Variants in NEK11 observed in about 807,000 individuals in gnomAD.
The protein encoded by NEK11 is serine/threonine-protein kinase Nek11.
Under a neutral mutation model 80.7 loss-of-function variants are expected in NEK11, and 72 were observed. That is an observed-to-expected ratio of 0.89 (90% CI 0.74 to 1.08). NEK11 has a LOEUF of 1.08. Among genes scored for constraint, NEK11 ranks in the 50% least tolerant of loss-of-function variants. The pLI is 0.00. For missense variants in NEK11, 764 were observed against 763.6 expected, an observed-to-expected ratio of 1.00 and a Z score of -0.01; for synonymous variants, 251 against 260.7, an observed-to-expected ratio of 0.96 and a Z score of 0.36.
In NEK11 at chr3:131,119,601, G is replaced by A. The variant is rs1165567181; in HGVS notation, c.455+9680G>A. Reference sequence around the variant, plus strand: ...AGTCTCCCATTATTATTGTGTGGGAGTCTAAGTCTCTTTGTAGGTCTCTAA... The same window carrying A: ...AGTCTCCCATTATTATTGTGTGGGAATCTAAGTCTCTTTGTAGGTCTCTAA... On this transcript the variant is annotated intron_variant, in intron 5 of 17. Coordinates refer to ENST00000383366, the MANE Select transcript of NEK11 (RefSeq NM_024800.5). Among the ~76,000 whole-genome samples, 5 of 152,142 alleles carry A rather than the reference G, an allele frequency of 3.3e-5. 1 individual carries two copies. The highest frequency in any genetic ancestry group is 1.2e-4 in the African/African-American group (5 of 41,408).
At chr3:131,240,313 G>A (rs1243253388) in intron 15 of NEK11, among the ~76,000 whole-genome samples, 1 of 152,272 alleles carries the variant, frequency 6.6e-6, no homozygotes, top group South Asian at 2.1e-4. Context: ...CCTAATAGGT[G>A]TGGCAAAACC....
At chr3:131,045,576 CT>C (rs1560151398) in intron 3 of NEK11, among the ~76,000 whole-genome samples, 1 of 152,100 alleles carries the variant, frequency 6.6e-6, no homozygotes, top group Non-Finnish European at 1.5e-5. Flanking sequence ...ATCATATGGT[CT>C]GTCTTGGAGA....
At chr3:131,274,108 C>A (rs183490522) in intron 17 of NEK11, among the ~76,000 whole-genome samples, 6,097 of 120,736 alleles carry the variant, frequency 0.05, 171 homozygotes, top group East Asian at 0.18. Flanking sequence ...TCCCTCCCCC[C>A]TCCCCCCACC....
In NEK11 at chr3:131,228,586, T is replaced by C. The variant is rs1181488060; in HGVS notation, c.1458T>C (p.Tyr486=). 7 of 1,613,386 alleles carry C rather than the reference T, an allele frequency of 4.3e-6. No homozygotes were observed. Among genetic ancestry groups the C allele is most frequent in the Middle Eastern group, 3.3e-4 (2 of 6,078 alleles). ...ACTACGCTGATGCATTTGATTCCTA[T>C]TGTGAAGAGAGTGATGAGGAGGAAG... ...EEYYADAFDS[Y]CEESDEEEEE... The change falls in exon 15 of 18, where the codon TAT becomes TAC. Residue 486 remains tyrosine (Y), a synonymous_variant. Coordinates refer to ENST00000383366, the MANE Select transcript of NEK11 (RefSeq NM_024800.5).
intron 3 of NEK11, among the ~76,000 whole-genome samples, chr3:131,054,778 AAATAAATAAATAAATGAATG>A (rs1321330759): frequency 6.5e-4 from 95 of 145,376 alleles, no homozygotes; most frequent in Admixed American, 1.2e-3. Flanking sequence ...ATAAATAAAT[AAATAAATAAATAAATGAATG>A]AATGTACCCG....
chr3:131,058,411 T>C (rs942089761), intron 3 of NEK11, among the ~76,000 whole-genome samples: 7 of 152,288 alleles, frequency 4.6e-5, no homozygotes, highest in Admixed American at 2.0e-4. Context: ...AGTAGTTTTT[T>C]CCAATTCTGT....
intron 17 of NEK11, among the ~76,000 whole-genome samples, chr3:131,324,885 T>TA (rs2096942293): frequency 1.3e-5 from 2 of 152,148 alleles, no homozygotes; most frequent in Admixed American, 6.6e-5. Flanking sequence ...TACAGGGATT[T>TA]AAAAAAATTC....
intron 7 of NEK11, among the ~76,000 whole-genome samples, chr3:131,147,233 G>A (rs1278951426): frequency 6.6e-6 from 1 of 151,972 alleles, no homozygotes; most frequent in Non-Finnish European, 1.5e-5. Flanking sequence ...ATCTGTGTGT[G>A]TATGTGACTA....
rs143847021 is a variant in NEK11, at chr3:131,106,983, A to G, written c.337-2820A>G. 4.3e-3 allele frequency among the ~76,000 whole-genome samples: 662 copies of G among 152,266 alleles called. 4 individuals carry two copies. Among genetic ancestry groups the G allele is most frequent in the Middle Eastern group, 0.01 (3 of 294 alleles). On this transcript the variant is annotated intron_variant, in intron 4 of 17. Coordinates refer to ENST00000383366, the MANE Select transcript of NEK11 (RefSeq NM_024800.5). ...AAAGCTTTTGACTGATATTTGTAGAAAAGACTTAAGATTTTTTCCATTGGC... is the reference window on the plus strand; with the variant it reads ...AAAGCTTTTGACTGATATTTGTAGAGAAGACTTAAGATTTTTTCCATTGGC...
chr3:131,130,681 T>G (rs570197761), intron 5 of NEK11, among the ~76,000 whole-genome samples: 3 of 149,924 alleles, frequency 2.0e-5, no homozygotes, highest in Non-Finnish European at 4.4e-5. Context: ...GTGATTTTTC[T>G]TCTTTATTCT....
intron 5 of NEK11, among the ~76,000 whole-genome samples, chr3:131,118,811 T>A (rs1229313864): frequency 6.6e-6 from 1 of 152,194 alleles, no homozygotes; most frequent in Non-Finnish European, 1.5e-5. Context: ...GTGGGATCGG[T>A]GGTGATATCC....
intron 5 of NEK11, among the ~76,000 whole-genome samples, chr3:131,113,650 C>A (rs912181574): frequency 4.6e-5 from 7 of 152,094 alleles, no homozygotes; most frequent in Non-Finnish European, 8.8e-5. Context: ...CAGTGGCTCA[C>A]GTCTGTAATC....
chr3:131,056,398 C>A (rs1320450170), intron 3 of NEK11, among the ~76,000 whole-genome samples: 2 of 152,150 alleles, frequency 1.3e-5, no homozygotes, highest in Non-Finnish European at 2.9e-5. Context: ...ATTCCTCTAG[C>A]AAGGGTCAGG....
At chr3:131,315,423 T>C (rs1308873197) in intron 17 of NEK11, among the ~76,000 whole-genome samples, 4 of 152,026 alleles carry the variant, frequency 2.6e-5, no homozygotes, top group African/African-American at 9.7e-5. Context: ...ATCCACGCTG[T>C]CACAAGTGGC....
intron 17 of NEK11, among the ~76,000 whole-genome samples, chr3:131,320,473 A>T (rs969436100): frequency 1.3e-5 from 2 of 152,126 alleles, no homozygotes; most frequent in African/African-American, 4.8e-5. Flanking sequence ...TTAAAAATCA[A>T]AACTATTATT....
At chr3:131,050,080 C>G (rs1475581817) in intron 3 of NEK11, among the ~76,000 whole-genome samples, 1 of 152,194 alleles carries the variant, frequency 6.6e-6, no homozygotes, top group Admixed American at 6.5e-5. Context: ...GTCCCCTCAG[C>G]AGCTGCCTCA....
At chr3:131,165,617 A>G (rs1453105647) in intron 12 of NEK11, 98 bp downstream of exon 12, 4 of 720,470 alleles carry the variant, frequency 5.6e-6, no homozygotes, top group Admixed American at 2.5e-5. Context: ...AGAAAACAAG[A>G]ACATCCAGAT....
intron 14 of NEK11, among the ~76,000 whole-genome samples, chr3:131,177,697 G>A (rs931083232): frequency 9.2e-5 from 14 of 152,244 alleles, no homozygotes; most frequent in Non-Finnish European, 1.6e-4. Context: ...TTGCCCTAGC[G>A]TAGGTTGAAA....
intron 14 of NEK11, among the ~76,000 whole-genome samples, chr3:131,207,475 C>T (rs1038041571): frequency 1.3e-5 from 2 of 151,990 alleles, no homozygotes; most frequent in East Asian, 1.9e-4. Flanking sequence ...CCCAGCTACT[C>T]GGGAGGCTGA....
Sources: allele counts gnomAD v4.1 joint callset (sites outside exome capture counted in the v4.1 genomes callset), GRCh38; gene constraint gnomAD v4.1.1; transcripts MANE v1.5; gene names NCBI Gene and HGNC (gene_info 2026-07-23, HGNC 2026-07-21).